DIP2B: variants seen among roughly 807,000 people sequenced by gnomAD.
DIP2B encodes disco-interacting protein 2 homolog B.
Under a neutral mutation model 198.0 loss-of-function variants are expected in DIP2B, and 76 were observed. That is an observed-to-expected ratio of 0.38 (90% confidence interval 0.32 to 0.46). DIP2B has a LOEUF of 0.46. DIP2B is among the 20% of genes least tolerant of loss of function. The pLI is 0.99. For missense variants in DIP2B, 1,559 were observed against 1,978.4 expected, an observed-to-expected ratio of 0.79 and a Z score of 4.02; for synonymous variants, 701 against 739.1, an observed-to-expected ratio of 0.95 and a Z score of 0.84.
At chr12:50,661,351 C>T (rs1461519666) in intron 4 of DIP2B, among the ~76,000 whole-genome samples, 3 of 152,130 alleles carry the variant, frequency 2.0e-5, no homozygotes, top group Admixed American at 2.0e-4. Context: ...CTTTGATTCA[C>T]AGCTGTCAAG....
chr12:50,731,259 C>A, intron 30 of DIP2B, 110 bp from the exon 31 acceptor site: 1 of 1,323,676 alleles, frequency 7.6e-7, no homozygotes, highest in African/African-American at 1.5e-5. Flanking sequence ...TCTCATATGT[C>A]CCTACACTGT....
At chr12:50,740,475 T>A (rs1334577248) in intron 36 of DIP2B, among the ~76,000 whole-genome samples, 4 of 152,226 alleles carry the variant, frequency 2.6e-5, no homozygotes, top group Non-Finnish European at 5.9e-5. Context: ...AAGGACATGA[T>A]GCATTTAGAT....
At chr12:50,627,655 A>G (rs1258876262) in intron 2 of DIP2B, among the ~76,000 whole-genome samples, 1 of 152,218 alleles carries the variant, frequency 6.6e-6, no homozygotes, top group Non-Finnish European at 1.5e-5. Context: ...TATGGTCAGC[A>G]CATTCTTGCC....
At chr12:50,599,143 T>G (rs189588049) in intron 1 of DIP2B, among the ~76,000 whole-genome samples, 1 of 147,822 alleles carries the variant, frequency 6.8e-6, no homozygotes, top group Non-Finnish European at 1.5e-5. Context: ...AATACAGAAA[T>G]TAGCAGGGCA....
rs373603359 is a variant in DIP2B at position 50,697,178 on chromosome 12, A to G, written c.2048+3A>G. ...GCCATGACTGTAGCAATCCGCAGGT[A>G]CTGTTCAGGATGTCAGATGCTCTTG... On this transcript the variant is annotated splice_donor_region_variant and intron_variant, in intron 17 of 37. Transcript: ENST00000301180. The G allele has an allele frequency of 6.2e-7, 1 of 1,613,520 alleles. No homozygotes were observed. The highest frequency in any genetic ancestry group is 1.1e-5 in the South Asian group (1 of 91,038).
intron 1 of DIP2B, among the ~76,000 whole-genome samples, chr12:50,541,251 T>C (rs1958322571): frequency 6.6e-6 from 1 of 152,150 alleles, no homozygotes; most frequent in Non-Finnish European, 1.5e-5. Flanking sequence ...CAGTCTTGAA[T>C]TGTAGTGTTT....
intron 1 of DIP2B, among the ~76,000 whole-genome samples, chr12:50,537,354 T>C (rs1958280092): frequency 6.6e-6 from 1 of 151,918 alleles, no homozygotes; most frequent in African/African-American, 2.4e-5. Context: ...TTGTGAAACA[T>C]TGAGGGAAGG....
intron 1 of DIP2B, among the ~76,000 whole-genome samples, chr12:50,525,072 A>G (rs560436852): frequency 5.8e-4 from 88 of 151,844 alleles, no homozygotes; most frequent in Non-Finnish European, 1.2e-4. Context: ...AGAGGGACAG[A>G]GAAGGCTGGG....
At chr12:50,720,227 C>T (rs1939809963) in intron 25 of DIP2B, among the ~76,000 whole-genome samples, 1 of 151,914 alleles carries the variant, frequency 6.6e-6, no homozygotes, top group Non-Finnish European at 1.5e-5. Flanking sequence ...TGTGCCCGGC[C>T]TATATATTGT....
At chr12:50,555,368 G>A (rs1958461485) in intron 1 of DIP2B, among the ~76,000 whole-genome samples, 1 of 152,144 alleles carries the variant, frequency 6.6e-6, no homozygotes, top group Admixed American at 6.5e-5. Flanking sequence ...CCTACCCTGT[G>A]TTTGCCACTT....
chr12:50,554,121 A>G (rs1958449307), intron 1 of DIP2B, among the ~76,000 whole-genome samples: 1 of 152,146 alleles, frequency 6.6e-6, no homozygotes, highest in Non-Finnish European at 1.5e-5. Flanking sequence ...CCCCAAAGAT[A>G]ACCTCTTTTA....
At chr12:50,726,383 C>T (rs1236132433) in intron 28 of DIP2B, among the ~76,000 whole-genome samples, 1 of 152,172 alleles carries the variant, frequency 6.6e-6, no homozygotes, top group Non-Finnish European at 1.5e-5. Flanking sequence ...GGGGCCCTCA[C>T]TCTGTCATCC....
chr12:50,674,501 C>T lies in DIP2B; in HGVS notation c.668C>T (p.Thr223Ile). ...AATTTCTCTGCTCCTCCTGATGTCA[C>T]TACAACTACCTCTTCCTCCTCATCA... is the stretch of plus-strand genomic sequence containing the variant. ...IENFSAPPDV[T>I]TTTSSSSSSS... Residue 223 changes from threonine (T) to isoleucine (I), a missense_variant, in exon 6 of 38, where the codon ACT becomes ATT. Thr to Ile is a moderately conservative substitution (Grantham distance 89). Coordinates refer to ENST00000301180, the MANE Select transcript of DIP2B (RefSeq NM_173602.3). The T allele has an allele frequency of 6.2e-7, 1 of 1,614,244 alleles. No individual in the cohort carries two copies. The highest frequency in any genetic ancestry group is 1.7e-5 in the Admixed American group (1 of 60,036).
chr12:50,554,772 C>T (rs1958455636), intron 1 of DIP2B, among the ~76,000 whole-genome samples: 1 of 150,072 alleles, frequency 6.7e-6, no homozygotes. Context: ...CCCCCCGCCC[C>T]TTTTTTTTTC....
intron 29 of DIP2B, among the ~76,000 whole-genome samples, 164 bp from the exon 30 acceptor site, chr12:50,728,384 A>C (rs2139594625): frequency 6.6e-6 from 1 of 152,316 alleles, no homozygotes. Context: ...AATGAACAGA[A>C]ATATGTTCCC....
intron 1 of DIP2B, among the ~76,000 whole-genome samples, chr12:50,512,099 T>C (rs1958022852): frequency 7.2e-6 from 1 of 139,556 alleles, no homozygotes; most frequent in Non-Finnish European, 1.5e-5. Flanking sequence ...CTTAGCTCAA[T>C]GTAAGCTCTT....
intron 1 of DIP2B, among the ~76,000 whole-genome samples, chr12:50,593,712 T>TCTCCCCTCCTCTCCTCTCCTCTCCC (rs1958842103): frequency 1.2e-4 from 1 of 8,544 alleles, no homozygotes; most frequent in Non-Finnish European, 1.8e-4. Context: ...TCTCCCCTCC[T>TCTCCCCTCCTCTCCTCTCCTCTCCC]CTCCTCTCCT....
intron 1 of DIP2B, among the ~76,000 whole-genome samples, chr12:50,559,296 A>T (rs1958497219): frequency 6.9e-6 from 1 of 145,430 alleles, no homozygotes; most frequent in Admixed American, 7.1e-5. Flanking sequence ...AAAGAGGAAG[A>T]TGGTGTAATT....
intron 4 of DIP2B, among the ~76,000 whole-genome samples, chr12:50,661,627 A>G (rs1470585428): frequency 6.6e-6 from 1 of 152,192 alleles, no homozygotes; most frequent in Admixed American, 6.5e-5. Context: ...GCATACCTCA[A>G]ACCTACTCAT....
Sources: gnomAD v4.1 joint callset for allele counts (sites outside exome capture counted in the v4.1 genomes callset) on GRCh38, gnomAD v4.1.1 for gene constraint, MANE v1.5 for transcripts, NCBI Gene and HGNC (gene_info 2026-07-23, HGNC 2026-07-21) for gene names.